FHOD3: variants seen among roughly 807,000 people sequenced by gnomAD.
FHOD3 encodes the protein FH1/FH2 domain-containing protein 3.
Under a neutral mutation model 173.0 loss-of-function variants are expected in FHOD3, and 90 were observed. That is an observed-to-expected ratio of 0.52 (90% confidence interval 0.44 to 0.62). The LOEUF (loss-of-function observed/expected upper bound fraction) is 0.62. FHOD3 is among the 20% of genes least tolerant of loss of function. The pLI is 0.00. For missense variants in FHOD3, 1,945 were observed against 2,034.7 expected, an observed-to-expected ratio of 0.96 and a Z score of 0.85; for synonymous variants, 828 against 823.0, an observed-to-expected ratio of 1.01 and a Z score of -0.10.
chr18:36,598,809 A>G (rs2148429021), intron 7 of FHOD3, among the ~76,000 whole-genome samples: 1 of 152,304 alleles, frequency 6.6e-6, no homozygotes, highest in Middle Eastern at 3.4e-3. Flanking sequence ...TCGGCCTCCC[A>G]AAGTGCTGGG....
chr18:36,625,901 A>G, intron 10 of FHOD3, 152 bp downstream of exon 10: 1 of 620,764 alleles, frequency 1.6e-6, no homozygotes, highest in Non-Finnish European at 2.5e-6. Flanking sequence ...CACCAGCCAA[A>G]CATCTCGGTG....
At chr18:36,527,470 C>T (rs554301842) in intron 5 of FHOD3, among the ~76,000 whole-genome samples, 8 of 152,314 alleles carry the variant, frequency 5.3e-5, no homozygotes, top group African/African-American at 2.4e-5. Flanking sequence ...TCTCTCTTCA[C>T]TTTTTGTCTT....
intron 3 of FHOD3, among the ~76,000 whole-genome samples, chr18:36,488,960 G>A (rs2054324740): frequency 6.6e-6 from 1 of 152,156 alleles, no homozygotes; most frequent in Non-Finnish European, 1.5e-5. Flanking sequence ...AGGGTGGCAG[G>A]TTCTTTGAGC....
chr18:36,407,154 C>G, intron 3 of FHOD3, among the ~76,000 whole-genome samples: 1 of 152,188 alleles, frequency 6.6e-6, no homozygotes, highest in East Asian at 1.9e-4. Context: ...TTCCCCTTTC[C>G]CCACCACATA....
intron 4 of FHOD3, among the ~76,000 whole-genome samples, chr18:36,503,602 G>T (rs1041374974): frequency 6.6e-6 from 1 of 152,146 alleles, no homozygotes; most frequent in Non-Finnish European, 1.5e-5. Context: ...CCACCACACT[G>T]CATACCTCGG....
chr18:36,739,393 T>C (rs1217785137), intron 20 of FHOD3, among the ~76,000 whole-genome samples: 1 of 152,216 alleles, frequency 6.6e-6, no homozygotes, highest in Non-Finnish European at 1.5e-5. Flanking sequence ...AATTTCAGTC[T>C]ATCACCACCA....
At chr18:36,690,413 G>A (rs1285910711) in intron 16 of FHOD3, among the ~76,000 whole-genome samples, 7 of 152,134 alleles carry the variant, frequency 4.6e-5, no homozygotes, top group African/African-American at 1.2e-4. Context: ...GTGTGGCTTC[G>A]CATGGCAGCA....
rs77044330 is a variant in FHOD3, at chr18:36,707,726, C to T, written c.2237-1369C>T. Among the ~76,000 whole-genome samples, 622 of 152,288 alleles carry T rather than the reference C, an allele frequency of 4.1e-3. 24 individuals are homozygous for T. In the East Asian group the frequency reaches 0.092, roughly 23 times the overall value. Reference sequence around the variant, plus strand: ...TGGTTCTGTGCACCCCATGGCCAGCCGTGCCCATTACCTGGTGCCGCAGGA... The same window carrying T: ...TGGTTCTGTGCACCCCATGGCCAGCTGTGCCCATTACCTGGTGCCGCAGGA... On this transcript the variant is annotated intron_variant, in intron 17 of 28. Transcript: ENST00000590592.
chr18:36,307,051 C>G (rs1395668058), intron 1 of FHOD3, among the ~76,000 whole-genome samples: 3 of 152,230 alleles, frequency 2.0e-5, no homozygotes, highest in Non-Finnish European at 2.9e-5. Context: ...GCAACCTCCA[C>G]TTTCCAGGTT....
At chr18:36,695,327 G>A (rs2039217143) in intron 17 of FHOD3, among the ~76,000 whole-genome samples, 1 of 150,654 alleles carries the variant, frequency 6.6e-6, no homozygotes, top group Non-Finnish European at 1.5e-5. Context: ...CAGCCTGGGT[G>A]ACAGAGTGAG....
intron 1 of FHOD3, among the ~76,000 whole-genome samples, chr18:36,339,522 A>C (rs1357964189): frequency 6.6e-6 from 1 of 152,198 alleles, no homozygotes; most frequent in Non-Finnish European, 1.5e-5. Flanking sequence ...TCTTTTAAGC[A>C]AAGGCCAACG....
intron 8 of FHOD3, among the ~76,000 whole-genome samples, chr18:36,603,379 GGCCTGTGGGT>G (rs2031656111): frequency 1.3e-5 from 2 of 152,014 alleles, no homozygotes; most frequent in Admixed American, 6.6e-5. Flanking sequence ...TGCTTGTGAA[GGCCTGTGGGT>G]GCCTGCGTGT....
At chr18:36,620,746 C>CCCTG (rs1358056066) in intron 9 of FHOD3, among the ~76,000 whole-genome samples, 5 of 152,248 alleles carry the variant, frequency 3.3e-5, no homozygotes, top group Non-Finnish European at 5.9e-5. Context: ...TGTGTAATAA[C>CCCTG]TCAAGCTGTG....
intron 16 of FHOD3, 193 bp from the exon 17 acceptor site, chr18:36,693,016 T>C: frequency 1.6e-6 from 1 of 610,586 alleles, no homozygotes; most frequent in Non-Finnish European, 2.9e-6. Context: ...TGGTTATGAG[T>C]GACGTGGGAT....
chr18:36,553,996 G>A (rs1162806482), intron 5 of FHOD3, among the ~76,000 whole-genome samples: 1 of 152,206 alleles, frequency 6.6e-6, no homozygotes, highest in Non-Finnish European at 1.5e-5. Flanking sequence ...AGTAGGTGCT[G>A]GAGAAGATAT....
At chr18:36,778,581 A>T (rs946908088) in intron 28 of FHOD3, 1 of 152,178 alleles carries the variant, frequency 6.6e-6, no homozygotes, top group African/African-American at 2.4e-5. Context: ...ATACTAAACA[A>T]TGGGAATACC....
At chr18:36,582,721 T>C (rs2058897736) in intron 6 of FHOD3, among the ~76,000 whole-genome samples, 1 of 152,244 alleles carries the variant, frequency 6.6e-6, no homozygotes, top group Non-Finnish European at 1.5e-5. Flanking sequence ...CTTCTGTTCA[T>C]GTAGTACAAA....
intron 14 of FHOD3, among the ~76,000 whole-genome samples, chr18:36,670,281 A>C (rs1184224431): frequency 6.6e-6 from 1 of 152,070 alleles, no homozygotes; most frequent in Non-Finnish European, 1.5e-5. Context: ...GTTTTCATCA[A>C]ATTGCGAAAA....
intron 1 of FHOD3, among the ~76,000 whole-genome samples, chr18:36,324,622 A>C (rs753851291): frequency 6.6e-6 from 1 of 152,238 alleles, no homozygotes; most frequent in Non-Finnish European, 1.5e-5. Flanking sequence ...AATGACCAGT[A>C]ACCTTTATTC....
Sources: gnomAD v4.1 joint callset for allele counts (sites outside exome capture counted in the v4.1 genomes callset) on GRCh38, gnomAD v4.1.1 for gene constraint, MANE v1.5 for transcripts, NCBI Gene and HGNC (gene_info 2026-07-23, HGNC 2026-07-21) for gene names.